CELF2: variants seen among roughly 807,000 people sequenced by gnomAD.
CELF2 encodes CUG triplet repeat RNA-binding protein 2.
In CELF2, 8 loss-of-function variants were observed where a neutral mutation model predicts 62.6. That is an observed-to-expected ratio of 0.13 (90% CI 0.07 to 0.23). CELF2 has a LOEUF of 0.23. Among genes scored for constraint, CELF2 ranks in the 10% least tolerant of loss-of-function variants. The pLI, the probability that CELF2 is intolerant of heterozygous loss-of-function variation, is 1.00. For missense variants in CELF2, 333 were observed against 671.0 expected (o/e 0.50, Z 5.56); for synonymous variants, 258 against 250.0 (o/e 1.03, Z -0.30).
At chr10:10,475,232 G>A in the CELF2 span, among the ~76,000 whole-genome samples, 1 of 151,796 alleles carries the variant, frequency 6.6e-6, no homozygotes. Flanking sequence ...TTACATCCTC[G>A]CTCAAAATGA....
rs1195782019 is a variant in CELF2, at chr10:10,938,824, C to A, written c.89+18825C>A. On this transcript the variant is annotated intron_variant, in intron 2 of 13. Transcript: ENST00000636488. The surrounding 1 kb of genome is among the most constrained non-coding windows in gnomAD (Gnocchi z 4.2). ...CCGCTGGGGACCCCGTGAAGCACTG[C>A]CCCACCGAGGGACGCAGAAGCAGCT... Among the ~76,000 whole-genome samples the A allele has an allele frequency of 6.6e-6, 1 of 152,210 alleles. No homozygotes were observed. Among genetic ancestry groups the A allele is most frequent in the Non-Finnish European group, 1.5e-5 (1 of 68,032 alleles).
the CELF2 span, among the ~76,000 whole-genome samples, chr10:10,563,689 G>A: frequency 1.1e-3 from 174 of 151,492 alleles, 2 homozygotes; most frequent in African/African-American, 3.9e-3. Flanking sequence ...TCCTGTACTC[G>A]CTGATCATTT....
chr10:10,999,055 T>C (rs532382739), intron 2 of CELF2, among the ~76,000 whole-genome samples: 1 of 152,356 alleles, frequency 6.6e-6, no homozygotes, highest in South Asian at 2.1e-4. Context: ...AGTTTATCAT[T>C]CCATCTCAAG....
chr10:11,017,995 G>T lies in CELF2; in HGVS notation c.-95G>T. 1.0e-6 allele frequency: 1 copy of T among 1,000,114 alleles called. No individual in the cohort carries two copies. Among genetic ancestry groups the T allele is most frequent in the South Asian group, 4.5e-5 (1 of 22,118 alleles). 62.0% of individuals were successfully genotyped at this position (1,000,114 alleles called of 1,614,324 possible). A position where few individuals can be genotyped will look rare whatever the true frequency, so the allele number is the denominator to read the frequency against. The stretch of plus-strand genomic sequence containing the variant: ...GGCTCGGCGGCCGCCGGGGGAGGCC[G>T]CGCGCACCTGTCCCTGCCCGTCTCG... On this transcript the variant is annotated 5_prime_UTR_variant, in exon 1 of 13. Coordinates refer to ENST00000633077, the MANE Select transcript of CELF2 (RefSeq NM_001326342.2). This position sits in a 1 kb window ranked among gnomAD's most constrained non-coding sequence, Gnocchi z 5.5.
At chr10:11,101,272 A>G (rs1164021690) in intron 1 of CELF2, among the ~76,000 whole-genome samples, 8 of 152,202 alleles carry the variant, frequency 5.3e-5, no homozygotes, top group African/African-American at 1.9e-4. Context: ...AATACTTCTG[A>G]GACATCCAAA....
chr10:11,209,723 T>C (rs943586670), intron 2 of CELF2, among the ~76,000 whole-genome samples: 1 of 151,694 alleles, frequency 6.6e-6, no homozygotes, highest in African/African-American at 2.4e-5. Flanking sequence ...GTTGAAACCG[T>C]AGTGCATGGC....
At chr10:10,544,069 G>A in the CELF2 span, among the ~76,000 whole-genome samples, 33 of 152,360 alleles carry the variant, frequency 2.2e-4, no homozygotes, top group Admixed American at 2.2e-3. Flanking sequence ...TGTTAAAGGA[G>A]TAGAACACGG....
the CELF2 span, among the ~76,000 whole-genome samples, chr10:10,593,450 A>G: frequency 6.6e-6 from 1 of 152,210 alleles, no homozygotes; most frequent in Non-Finnish European, 1.5e-5. Flanking sequence ...ATGAGTATGC[A>G]AACCCCAATG....
chr10:11,030,995 A>G (rs894165321), intron 1 of CELF2: 26 of 152,358 alleles, frequency 1.7e-4, no homozygotes, highest in African/African-American at 6.0e-4. Context: ...TTCATTTATG[A>G]TAACGGTATA....
the CELF2 span, among the ~76,000 whole-genome samples, chr10:10,520,793 T>G: frequency 6.6e-6 from 1 of 152,166 alleles, no homozygotes; most frequent in Admixed American, 6.6e-5. Flanking sequence ...ATCAGAAGGC[T>G]TGAGCTTTTA....
At chr10:10,815,724 T>C (rs187986101) in intron 1 of CELF2, among the ~76,000 whole-genome samples, 1 of 152,222 alleles carries the variant, frequency 6.6e-6, no homozygotes, top group East Asian at 1.9e-4. Context: ...TTAGCTTCCT[T>C]GTCTTTTGCA....
At chr10:10,760,690 C>T in the CELF2 span, among the ~76,000 whole-genome samples, 1 of 152,142 alleles carries the variant, frequency 6.6e-6, no homozygotes, top group Non-Finnish European at 1.5e-5. Flanking sequence ...GACATGTCCG[C>T]TGAAGCCTAG....
At chr10:10,987,094 A>G (rs1345754576) in intron 2 of CELF2, among the ~76,000 whole-genome samples, 1 of 152,218 alleles carries the variant, frequency 6.6e-6, no homozygotes, top group Non-Finnish European at 1.5e-5. Flanking sequence ...TCTCAATTGC[A>G]TCCTACTACT....
chr10:11,184,901 C>T (rs780832844), intron 2 of CELF2, among the ~76,000 whole-genome samples: 3 of 152,004 alleles, frequency 2.0e-5, no homozygotes, highest in Non-Finnish European at 4.4e-5. Flanking sequence ...CTGGCCAAAA[C>T]GTCCACTATG....
chr10:10,793,411 C>A (rs1290894034), upstream of CELF2, among the ~76,000 whole-genome samples: 2 of 152,168 alleles, frequency 1.3e-5, no homozygotes, highest in Non-Finnish European at 2.9e-5. Flanking sequence ...GCTAACTATT[C>A]AGGTGCAGAT....
chr10:11,249,007 T>G, intron 3 of CELF2, 146 bp from the exon 4 acceptor site: 1 of 643,184 alleles, frequency 1.6e-6, no homozygotes, highest in South Asian at 1.9e-5. Flanking sequence ...AGGCTTACTT[T>G]TTAACATAGT....
intron 1 of CELF2, among the ~76,000 whole-genome samples, chr10:10,899,417 T>C (rs2062778147): frequency 6.6e-6 from 1 of 152,086 alleles, no homozygotes; most frequent in Admixed American, 6.6e-5. Context: ...AAAACGATAA[T>C]CATGGGTATT....
At chr10:11,116,532 T>G (rs1352252883) in intron 1 of CELF2, among the ~76,000 whole-genome samples, 1 of 152,152 alleles carries the variant, frequency 6.6e-6, no homozygotes, top group South Asian at 2.1e-4. Context: ...AGGTCTCAGG[T>G]CTTGAGCGCT....
the CELF2 span, among the ~76,000 whole-genome samples, chr10:10,732,295 A>G: frequency 6.6e-6 from 1 of 152,144 alleles, no homozygotes; most frequent in Non-Finnish European, 1.5e-5. Context: ...TATGCAATGC[A>G]TGTTAGAGCA....
Sources: gnomAD v4.1 joint callset for allele counts (sites outside exome capture counted in the v4.1 genomes callset) on GRCh38, gnomAD v4.1.1 for gene constraint, Gnocchi (gnomAD v3.1) non-coding constraint, MANE v1.5 for transcripts, NCBI Gene and HGNC (gene_info 2026-07-23, HGNC 2026-07-21) for gene names.